The following PATJ variants were observed in gnomAD, a reference collection of about 807,000 sequenced individuals.
PATJ encodes PATJ crumbs cell polarity complex component.
PATJ carries 190 observed loss-of-function variants against 224.9 expected under a neutral mutation model. The observed-to-expected ratio is 0.84, with a 90% CI of 0.75 to 0.95. The LOEUF (loss-of-function observed/expected upper bound fraction) is 0.95, where lower values mean the gene tolerates loss of function less well. Ranked by LOEUF, PATJ falls within the 40% of genes least tolerant of loss-of-function variation. PATJ has a pLI of 0.00. For synonymous variants in PATJ, 769 were observed against 820.3 expected, an observed-to-expected ratio of 0.94 and a Z score of 1.07; for missense variants, 2,121 against 2,270.3, an observed-to-expected ratio of 0.93 and a Z score of 1.34.
At chr1:62,113,410 G>A (rs1052904593) in intron 34 of PATJ, among the ~76,000 whole-genome samples, 16 of 152,190 alleles carry the variant, frequency 1.1e-4, no homozygotes, top group African/African-American at 3.9e-4. Flanking sequence ...TCCGAGGCAG[G>A]AGGATCACCT....
rs781757704 is a variant in PATJ, at chr1:62,128,897, G to A, written c.5223G>A (p.Ala1741=). The A allele has an allele frequency of 1.4e-5, 23 of 1,613,372 alleles. No individual in the cohort carries two copies. The East Asian group carries it at 1.6e-4, about 11-fold the overall frequency. The change falls in exon 41 of 44, where the codon GCG becomes GCA. Residue 1741 remains alanine (A), a synonymous_variant. Transcript: ENST00000642238. The stretch of plus-strand genomic sequence containing the variant: ...AACCTTTGGATGGGCTGTCTCACGC[G>A]GATGTGGTTAATCTGCTGAAGAACG... The part of the protein sequence containing the change: ...NGQPLDGLSH[A]DVVNLLKNAY...
rs545079321 is a variant in PATJ, at chr1:61,967,458, A to C, written c.3671-22710A>C. Among the ~76,000 whole-genome samples, 238 of 152,308 alleles carry C rather than the reference A, an allele frequency of 1.6e-3. 1 individual carries two copies. The highest frequency in any genetic ancestry group is 5.4e-3 in the African/African-American group (224 of 41,572). Reference sequence around the variant, plus strand: ...CTTTTCATAAGATTGACTTGATTAGATGTTAGAAAAAAAGATAAGAGTGCT... The same window carrying C: ...CTTTTCATAAGATTGACTTGATTAGCTGTTAGAAAAAAAGATAAGAGTGCT... On this transcript the variant is annotated intron_variant, in intron 27 of 43. Coordinates refer to ENST00000642238, the MANE Select transcript of PATJ (RefSeq NM_001350145.3).
intron 17 of PATJ, among the ~76,000 whole-genome samples, chr1:61,847,741 T>C (rs1409337950): frequency 6.6e-6 from 1 of 152,240 alleles, no homozygotes; most frequent in East Asian, 1.9e-4. Context: ...GCTTAGCTTA[T>C]TGGTCAAATC....
At position 61,855,185 on chromosome 1, in the gene PATJ, G is replaced by A. The variant is rs577473675; in HGVS notation, c.2113-845G>A. Among the ~76,000 whole-genome samples, 54 of 152,192 alleles carry A rather than the reference G, an allele frequency of 3.5e-4. 1 individual carries two copies. The highest frequency in any genetic ancestry group is 7.1e-4 in the Non-Finnish European group (48 of 68,008). ...TTGGAGCTTACTTACGGCTCTAGAG[G>A]AGTAACAGACAGGCTTATCTTTGGT... On this transcript the variant is annotated intron_variant, in intron 17 of 43. Transcript: ENST00000642238.
In PATJ at chr1:61,794,661, TTTGTTG is replaced by T. The variant is rs551832327; in HGVS notation, c.1169-788_1169-783del. Among the ~76,000 whole-genome samples the T allele has an allele frequency of 6.3e-4, 96 of 152,044 alleles. 1 individual carries two copies. The highest frequency in any genetic ancestry group is 2.2e-3 in the African/African-American group (90 of 41,486). On this transcript the variant is annotated intron_variant, in intron 9 of 43. Coordinates refer to ENST00000642238, the MANE Select transcript of PATJ (RefSeq NM_001350145.3). ...TTTCATGTTGCTGAGCTCATACTAA[TTTGTTG>T]TTGTTGTTGTTGTTGTTAAGACCAT...
intron 16 of PATJ, among the ~76,000 whole-genome samples, chr1:61,832,051 A>G (rs1381571993): frequency 6.6e-6 from 1 of 152,226 alleles, no homozygotes; most frequent in Non-Finnish European, 1.5e-5. Context: ...AGAGGCCATT[A>G]TCCTAAGCAA....
At chr1:61,897,601 G>A (rs1433659235) in intron 22 of PATJ, among the ~76,000 whole-genome samples, 2 of 152,210 alleles carry the variant, frequency 1.3e-5, no homozygotes, top group African/African-American at 4.8e-5. Flanking sequence ...AGGGCATAGA[G>A]CAAAAGGCTC....
In PATJ at chr1:62,071,930, C is replaced by T. The variant is rs74076512; in HGVS notation, c.4126-7520C>T. The stretch of plus-strand genomic sequence containing the variant: ...CCTCACCACCTGGGTGTCTCTCAGA[C>T]GTTACCAAGAGACAGAGTAAACCCA... On this transcript the variant is annotated intron_variant, in intron 31 of 43. Coordinates refer to ENST00000642238, the MANE Select transcript of PATJ (RefSeq NM_001350145.3). Among the ~76,000 whole-genome samples the T allele has an allele frequency of 2.3e-3, 348 of 152,316 alleles. 1 individual carries two copies. The highest frequency in any genetic ancestry group is 7.4e-3 in the African/African-American group (306 of 41,564).
At chr1:61,974,073 A>G (rs1252270162) in intron 27 of PATJ, among the ~76,000 whole-genome samples, 2 of 151,674 alleles carry the variant, frequency 1.3e-5, no homozygotes, top group Admixed American at 6.6e-5. Flanking sequence ...GATCCCAGAC[A>G]CCAGCACTTC....
At chr1:62,099,246 G>T (rs1038077392) in intron 33 of PATJ, among the ~76,000 whole-genome samples, 1 of 150,836 alleles carries the variant, frequency 6.6e-6, no homozygotes, top group African/African-American at 2.4e-5. Context: ...ACTATTAAAT[G>T]GTGTTTAAAA....
rs1206127001 is a variant in PATJ, at chr1:61,838,924, A to G, written c.2112+5139A>G. Among the ~76,000 whole-genome samples, 3 of 152,116 alleles carry G rather than the reference A, an allele frequency of 2.0e-5. No homozygotes were observed. The East Asian group carries it at 5.8e-4, about 29-fold the overall frequency. ...CTGAATGTTTACTGAGTGCCAGGTA[A>G]TGTTCTAATTGCTTTACATGTATTA... On this transcript the variant is annotated intron_variant, in intron 17 of 43. Coordinates refer to ENST00000642238, the MANE Select transcript of PATJ (RefSeq NM_001350145.3).
At chr1:62,024,414 G>A (rs975404885) in intron 29 of PATJ, among the ~76,000 whole-genome samples, 5 of 151,836 alleles carry the variant, frequency 3.3e-5, no homozygotes, top group Admixed American at 6.6e-5. Flanking sequence ...TTACTCTTTC[G>A]TGGGCAGAAT....
At chr1:62,148,162 T>C in intron 41 of PATJ, 122 bp from the exon 42 acceptor site, 2 of 499,922 alleles carry the variant, frequency 4.0e-6, no homozygotes, top group South Asian at 5.3e-5. Flanking sequence ...ATAGTCCTTG[T>C]GTCAAATGGT....
At chr1:61,987,406 T>A (rs67404240) in intron 27 of PATJ, among the ~76,000 whole-genome samples, 12,060 of 151,612 alleles carry the variant, frequency 0.08, 925 homozygotes, top group East Asian at 0.39. Flanking sequence ...TCTTTTTTTT[T>A]AAAAAAAAGA....
At chr1:61,996,741 CTTTTTTTTTT>C (rs56215259) in intron 28 of PATJ, among the ~76,000 whole-genome samples, 4 of 97,736 alleles carry the variant, frequency 4.1e-5, no homozygotes, top group African/African-American at 7.9e-5. Flanking sequence ...CTTTTCTTTT[CTTTTTTTTTT>C]TTTTTTTTTG....
chr1:61,890,159 A>G lies in PATJ; in HGVS notation c.3131+5751A>G, dbSNP rs565631846. Among the ~76,000 whole-genome samples, 3 of 152,230 alleles carry G rather than the reference A, an allele frequency of 2.0e-5. No homozygotes were observed. In the South Asian group the frequency reaches 6.2e-4, roughly 32 times the overall value. On this transcript the variant is annotated intron_variant, in intron 22 of 43. Coordinates refer to ENST00000642238, the MANE Select transcript of PATJ (RefSeq NM_001350145.3). ...TTGTATCTATCTTTTGTCACCCGTA[A>G]AGTAGGTAGTTCTGTAGATTGAATA...
intron 27 of PATJ, among the ~76,000 whole-genome samples, chr1:61,968,340 G>A (rs1478289991): frequency 6.6e-6 from 1 of 152,128 alleles, no homozygotes; most frequent in Non-Finnish European, 1.5e-5. Context: ...CAAATGCAGA[G>A]CTTGATCACA....
chr1:62,063,361 T>C (rs1161593268), intron 31 of PATJ, among the ~76,000 whole-genome samples: 3 of 152,238 alleles, frequency 2.0e-5, no homozygotes, highest in African/African-American at 7.2e-5. Context: ...TCTGTTGCCC[T>C]GCATGTCTGT....
chr1:61,980,478 T>TGTGG (rs1313944226), intron 27 of PATJ, among the ~76,000 whole-genome samples: 1 of 125,688 alleles, frequency 8.0e-6, no homozygotes, highest in African/African-American at 3.5e-5. Flanking sequence ...TGTGTGTGTG[T>TGTGG]GGTATGCATT....
Sources: allele counts gnomAD v4.1 joint callset (sites outside exome capture counted in the v4.1 genomes callset), GRCh38; gene constraint gnomAD v4.1.1; transcripts MANE v1.5; gene names NCBI Gene and HGNC (gene_info 2026-07-23, HGNC 2026-07-21).